MAN2A1: variants seen among roughly 807,000 people sequenced by gnomAD.
The protein encoded by MAN2A1 is alpha-mannosidase 2.
A neutral mutation model predicts 142.6 loss-of-function variants in MAN2A1; 76 were observed. The ratio of observed to expected loss-of-function variants is 0.53; its 90% CI spans 0.44 to 0.65. MAN2A1 has a LOEUF of 0.65. Among genes scored for constraint, MAN2A1 ranks in the 30% least tolerant of loss-of-function variants. The pLI is 0.00. For synonymous variants in MAN2A1, 559 were observed against 473.2 expected, an observed-to-expected ratio of 1.18 and a Z score of -2.35; for missense variants, 1,311 against 1,365.1, an observed-to-expected ratio of 0.96 and a Z score of 0.62.
At chr5:109,845,799 C>G in intron 17 of MAN2A1, 66 bp from the exon 18 acceptor site, 1 of 1,313,924 alleles carries the variant, frequency 7.6e-7, no homozygotes, top group Non-Finnish European at 1.0e-6. Flanking sequence ...AATCACCTGT[C>G]CTCAAGTTTT....
rs767708370 is a variant in MAN2A1, at chr5:109,866,986, C to G, written c.3423C>G (p.Ile1141Met). Reference sequence around the variant, plus strand: ...CAATGGAAATCAGCACATTCCGAATCCAGTTGAGGTGAACCTGACTTTCAC... The same window carrying G: ...CAATGGAAATCAGCACATTCCGAATGCAGTTGAGGTGAACCTGACTTTCAC... ...LSPMEISTFR[I>M]QLR Residue 1141 changes from isoleucine (I) to methionine (M), a missense_variant, in exon 22 of 22, where the codon ATC becomes ATG. Around this residue, in one of 3 missense-constraint regions of MAN2A1, gnomAD observed 890 missense variants for 920.5 expected, o/e 0.97. Transcript: ENST00000261483. The G allele has an allele frequency of 1.2e-5, 19 of 1,608,102 alleles. No individual in the cohort carries two copies. The Admixed American group carries it at 3.2e-4, about 27-fold the overall frequency.
chr5:109,791,281 TTATAGGTTAGG>T (rs2112681429), intron 12 of MAN2A1, among the ~76,000 whole-genome samples: 1 of 152,138 alleles, frequency 6.6e-6, no homozygotes, highest in South Asian at 2.1e-4. Context: ...ATTATCCATT[TTATAGGTTAGG>T]GCTTCTTAGA....
intron 12 of MAN2A1, among the ~76,000 whole-genome samples, chr5:109,799,094 C>T (rs1753944553): frequency 6.6e-6 from 1 of 152,180 alleles, no homozygotes; most frequent in Non-Finnish European, 1.5e-5. Flanking sequence ...ATGGTAATAA[C>T]CCTGTGACAG....
At chr5:109,826,115 A>C (rs1754752920) in intron 16 of MAN2A1, among the ~76,000 whole-genome samples, 1 of 151,850 alleles carries the variant, frequency 6.6e-6, no homozygotes, top group African/African-American at 2.4e-5. Context: ...CATGTTGGTC[A>C]GGCTGGTCTC....
intron 5 of MAN2A1, among the ~76,000 whole-genome samples, chr5:109,764,571 T>C (rs566437951): frequency 6.6e-6 from 1 of 152,312 alleles, no homozygotes; most frequent in African/African-American, 2.4e-5. Context: ...AGTTCTCCAC[T>C]CCTTTCATAT....
intron 6 of MAN2A1, among the ~76,000 whole-genome samples, chr5:109,768,234 A>G (rs552632843): frequency 7.7e-6 from 1 of 129,804 alleles, no homozygotes. Flanking sequence ...GCTCTTTATT[A>G]GGAGAGAGGA....
chr5:109,704,552 C>T (rs1312191989), intron 1 of MAN2A1, among the ~76,000 whole-genome samples: 1 of 152,130 alleles, frequency 6.6e-6, no homozygotes, highest in African/African-American at 2.4e-5. Flanking sequence ...CCCCAGTTCA[C>T]ACTCTTTTTG....
chr5:109,832,746 T>C (rs6882315), intron 16 of MAN2A1, among the ~76,000 whole-genome samples: 105,274 of 151,066 alleles, frequency 0.7, 37,705 homozygotes, highest in African/African-American at 0.88. Context: ...CCCTCCCGGA[T>C]GGGGCGGCTG....
intron 4 of MAN2A1, among the ~76,000 whole-genome samples, chr5:109,740,554 A>C (rs1274007665): frequency 6.6e-6 from 1 of 152,190 alleles, no homozygotes; most frequent in Non-Finnish European, 1.5e-5. Context: ...TGGCTTCATT[A>C]AGGAGACTGC....
chr5:109,855,470 A>G (rs1755584671), intron 20 of MAN2A1, 136 bp downstream of exon 20: 2 of 523,646 alleles, frequency 3.8e-6, no homozygotes, highest in Non-Finnish European at 6.3e-6. Context: ...ACCTTTAGCC[A>G]AAAGCTTCAT....
At chr5:109,842,506 G>T in intron 17 of MAN2A1, 45 bp downstream of exon 17, 1 of 1,323,854 alleles carries the variant, frequency 7.6e-7, no homozygotes, top group Non-Finnish European at 1.0e-6. Flanking sequence ...GTATTGGTGT[G>T]TAATTCTTAT....
chr5:109,775,114 G>A (rs1201274717), intron 8 of MAN2A1, 149 bp downstream of exon 8: 1 of 587,392 alleles, frequency 1.7e-6, no homozygotes, highest in East Asian at 3.1e-5. Context: ...CCATTAGGAA[G>A]AAAATTATTA....
At chr5:109,864,254 C>T (rs1343973788) in intron 20 of MAN2A1, 1 of 152,132 alleles carries the variant, frequency 6.6e-6, no homozygotes, top group East Asian at 1.9e-4. Flanking sequence ...CACCTTCCAA[C>T]TTTAGGAAAC....
rs536485716 is a variant in MAN2A1, at chr5:109,833,434, G to C, written c.2567-8894G>C. Among the ~76,000 whole-genome samples the C allele has an allele frequency of 2.6e-5, 4 of 152,278 alleles. No individual in the cohort carries two copies. The South Asian group carries it at 8.3e-4, about 32-fold the overall frequency. ...TGCAATCCCGGCACCTCAGGAGGCCGAGGCTAGCAGATCACTCGTGGTTAG... is the reference window on the plus strand; with the variant it reads ...TGCAATCCCGGCACCTCAGGAGGCCCAGGCTAGCAGATCACTCGTGGTTAG... On this transcript the variant is annotated intron_variant, in intron 16 of 21. Coordinates refer to ENST00000261483, the MANE Select transcript of MAN2A1 (RefSeq NM_002372.4).
chr5:109,840,857 C>T lies in MAN2A1; in HGVS notation c.2567-1471C>T, dbSNP rs569979657. Among the ~76,000 whole-genome samples, 60 of 152,038 alleles carry T rather than the reference C, an allele frequency of 3.9e-4. 1 individual carries two copies. The East Asian group carries it at 0.011, about 28-fold the overall frequency. ...TCAGTAGGATCACGGGTGCCAGCCC[C>T]GACAATCATGGGGCCTGCATTTACA... On this transcript the variant is annotated intron_variant, in intron 16 of 21. Transcript: ENST00000261483.
intron 13 of MAN2A1, among the ~76,000 whole-genome samples, 153 bp downstream of exon 13, chr5:109,817,591 A>C (rs1354858005): frequency 2.0e-5 from 3 of 152,236 alleles, no homozygotes; most frequent in African/African-American, 7.2e-5. Flanking sequence ...CTGGTGGGTC[A>C]AATGACACTA....
chr5:109,847,687 T>C lies in MAN2A1; in HGVS notation c.2873T>C (p.Leu958Pro), dbSNP rs1410690100. The change falls in exon 19 of 22, where the codon CTC (leucine) becomes CCC (proline). Residue 958 changes from leucine to proline, a missense_variant. Transcript: ENST00000261483. ...ATTGAAGTTATCATGGATCGAAGAC[T>C]CATGCAAGATGATAATCGTGGCCTT... is the stretch of plus-strand genomic sequence containing the variant. ...GQIEVIMDRR[L>P]MQDDNRGLEQ... 4.4e-6 allele frequency: 7 copies of C among 1,591,536 alleles called. No homozygotes were observed. Among genetic ancestry groups the C allele is most frequent in the Non-Finnish European group, 6.0e-6 (7 of 1,169,130 alleles).
At chr5:109,838,187 C>A (rs1447294599) in intron 16 of MAN2A1, among the ~76,000 whole-genome samples, 1 of 152,182 alleles carries the variant, frequency 6.6e-6, no homozygotes, top group Non-Finnish European at 1.5e-5. Context: ...CACCTGTGAA[C>A]TGGCTCTGTT....
intron 12 of MAN2A1, among the ~76,000 whole-genome samples, chr5:109,806,963 G>A (rs773783205): frequency 3.9e-5 from 6 of 152,164 alleles, no homozygotes; most frequent in African/African-American, 1.2e-4. Flanking sequence ...GGAAGATAGG[G>A]TAGCATTTAT....
Sources: gnomAD v4.1 joint callset for allele counts (sites outside exome capture counted in the v4.1 genomes callset) on GRCh38, gnomAD v4.1.1 for gene constraint, gnomAD v4.1.1 regional missense constraint, MANE v1.5 for transcripts, NCBI Gene and HGNC (gene_info 2026-07-23, HGNC 2026-07-21) for gene names.